The following MYLK variants were observed in gnomAD, a reference collection of about 807,000 sequenced individuals.
The protein encoded by MYLK is myosin light chain kinase.
Under a neutral mutation model 203.4 loss-of-function variants are expected in MYLK, and 106 were observed. The observed-to-expected ratio is 0.52, with a 90% confidence interval of 0.45 to 0.61. The LOEUF (loss-of-function observed/expected upper bound fraction) is 0.61, where lower values mean the gene tolerates loss of function less well. Among genes scored for constraint, MYLK ranks in the 20% least tolerant of loss-of-function variants. MYLK has a pLI of 0.00. For missense variants in MYLK, 2,072 were observed against 2,442.3 expected (o/e 0.85, Z 3.20); for synonymous variants, 867 against 959.5 (o/e 0.90, Z 1.78).
rs868253819 is a variant in MYLK, at chr3:123,740,146, T to C, written c.374-145A>G. 1.4e-5 allele frequency: 11 copies of C among 785,778 alleles called. No individual in the cohort carries two copies. In the Middle Eastern group the frequency reaches 9.1e-4, roughly 65 times the overall value. The allele number at this position is 785,778 out of a possible 1,614,324, so 48.7% of individuals were successfully genotyped here. A position where few individuals can be genotyped will look rare whatever the true frequency, so the allele number is the denominator to read the frequency against. On this transcript the variant is annotated intron_variant, in intron 5 of 33. Coordinates refer to ENST00000360304, the MANE Select transcript of MYLK (RefSeq NM_053025.4). Reference sequence around the variant, plus strand: ...ATGGGCTGTGTCACTATGGATACTATGGTAGGTGTTTACATACATTATCAT... The same window carrying C: ...ATGGGCTGTGTCACTATGGATACTACGGTAGGTGTTTACATACATTATCAT...
At chr3:123,785,344 A>G (rs564776035) in intron 4 of MYLK, among the ~76,000 whole-genome samples, 8 of 152,346 alleles carry the variant, frequency 5.3e-5, no homozygotes, top group African/African-American at 1.7e-4. Flanking sequence ...GTAAATTTTC[A>G]GTAATACTTG....
At chr3:123,794,002 G>C in intron 3 of MYLK, 158 bp from the exon 4 acceptor site, 1 of 775,888 alleles carries the variant, frequency 1.3e-6, no homozygotes, top group Non-Finnish European at 2.2e-6. Context: ...GTGAAGATGA[G>C]AGGCTCTGTC....
intron 13 of MYLK, among the ~76,000 whole-genome samples, chr3:123,716,762 A>G (rs903971922): frequency 6.6e-6 from 1 of 152,170 alleles, no homozygotes; most frequent in Non-Finnish European, 1.5e-5. Flanking sequence ...CTGGGTCTCT[A>G]TGTAATTATG....
At position 123,618,630 on chromosome 3, in the gene MYLK, A is replaced by C. The variant is rs1326357499; in HGVS notation, c.5500+9T>G. Reference sequence around the variant, plus strand: ...ATTCATGGTGAAGAGAAGCACAGCTACAACTTACCTTCAATCTTGCAGTCA... The same window carrying C: ...ATTCATGGTGAAGAGAAGCACAGCTCCAACTTACCTTCAATCTTGCAGTCA... On this transcript the variant is annotated intron_variant, in intron 33 of 33. Transcript: ENST00000360304. 1 of 1,613,914 alleles carries C rather than the reference A, an allele frequency of 6.2e-7. No individual in the cohort carries two copies. The highest frequency in any genetic ancestry group is 2.2e-5 in the East Asian group (1 of 44,854).
At chr3:123,615,495 G>A (rs961684763) in intron 33 of MYLK, among the ~76,000 whole-genome samples, 1 of 151,508 alleles carries the variant, frequency 6.6e-6, no homozygotes, top group Admixed American at 6.6e-5. Flanking sequence ...CACGACACCC[G>A]GCTAATTTTT....
chr3:123,865,817 C>T (rs2682220), intron 2 of MYLK, among the ~76,000 whole-genome samples: 202 of 152,206 alleles, frequency 1.3e-3, no homozygotes, highest in African/African-American at 4.4e-3. Context: ...CAACAGAGTA[C>T]GGCAAAAAGC....
chr3:123,857,277 C>T (rs1367912763), intron 2 of MYLK, among the ~76,000 whole-genome samples: 1 of 152,112 alleles, frequency 6.6e-6, no homozygotes, highest in East Asian at 1.9e-4. Flanking sequence ...TACCATTTGA[C>T]CCAGTCATCC....
chr3:123,711,896 T>G (rs2061708639), intron 13 of MYLK, among the ~76,000 whole-genome samples: 1 of 152,124 alleles, frequency 6.6e-6, no homozygotes, highest in Admixed American at 6.5e-5. Context: ...CCTCCAAAGT[T>G]GCCACCGAAT....
At chr3:123,657,511 G>C in intron 23 of MYLK, 83 bp from the exon 24 acceptor site, 1 of 1,429,840 alleles carries the variant, frequency 7.0e-7, no homozygotes, top group Non-Finnish European at 9.6e-7. Context: ...TGTCATGGGG[G>C]GAAGGCAGCC....
At chr3:123,841,020 A>G (rs1167150775) in intron 2 of MYLK, among the ~76,000 whole-genome samples, 1 of 152,122 alleles carries the variant, frequency 6.6e-6, no homozygotes, top group African/African-American at 2.4e-5. Context: ...GGAGACTTCA[A>G]ACATATAATG....
At chr3:123,719,254 C>G (rs2062009116) in intron 13 of MYLK, among the ~76,000 whole-genome samples, 2 of 152,224 alleles carry the variant, frequency 1.3e-5, no homozygotes, top group Admixed American at 6.5e-5. Context: ...TCAACCACCC[C>G]CGAGAGAAGA....
chr3:123,810,007 C>T (rs2065501932), intron 3 of MYLK, among the ~76,000 whole-genome samples: 1 of 152,192 alleles, frequency 6.6e-6, no homozygotes, highest in Admixed American at 6.5e-5. Context: ...CTATTTCGAA[C>T]AGTTTACCTG....
intron 3 of MYLK, among the ~76,000 whole-genome samples, chr3:123,797,951 A>C (rs1267306405): frequency 6.6e-6 from 1 of 152,242 alleles, no homozygotes; most frequent in African/African-American, 2.4e-5. Flanking sequence ...TCTTCAGGCA[A>C]GGGTCTATGA....
intron 29 of MYLK, among the ~76,000 whole-genome samples, chr3:123,633,421 C>G (rs1396355540): frequency 2.0e-5 from 3 of 152,172 alleles, no homozygotes; most frequent in Non-Finnish European, 4.4e-5. Context: ...GCCACTGCGC[C>G]CAGCTAGATA....
intron 12 of MYLK, 24 bp from the exon 13 acceptor site, chr3:123,722,304 T>C (rs756293325): frequency 9.0e-6 from 14 of 1,559,634 alleles, no homozygotes; most frequent in Middle Eastern, 3.7e-4. Context: ...ACAGGAAGGC[T>C]CAGGCCAGGC....
intron 3 of MYLK, among the ~76,000 whole-genome samples, chr3:123,796,252 T>C (rs1446515057): frequency 6.6e-6 from 1 of 152,206 alleles, no homozygotes. Context: ...AATCTTGGTA[T>C]CCCCATTTTG....
chr3:123,693,058 C>T (rs542210226), intron 18 of MYLK, among the ~76,000 whole-genome samples: 91 of 152,270 alleles, frequency 6.0e-4, no homozygotes, highest in African/African-American at 2.2e-3. Context: ...TCCCTAAATA[C>T]GTTCCTTCCT....
intron 31 of MYLK, among the ~76,000 whole-genome samples, chr3:123,625,640 C>T (rs1349854683): frequency 6.6e-6 from 1 of 151,656 alleles, no homozygotes; most frequent in African/African-American, 2.4e-5. Flanking sequence ...AACCCTGTCT[C>T]CACTAAAAAT....
chr3:123,734,251 T>TGGGTTGGGGGGGGGGGGGTTGGGGG, intron 9 of MYLK, 29 bp from the exon 10 acceptor site: 1 of 448,436 alleles, frequency 2.2e-6, no homozygotes, highest in East Asian at 4.6e-5. Context: ...GGGGGTAGGG[T>TGGGTTGGGGGGGGGGGGGTTGGGGG]GGGTGAGGAG....
Sources: allele counts gnomAD v4.1 joint callset (sites outside exome capture counted in the v4.1 genomes callset), GRCh38; gene constraint gnomAD v4.1.1; transcripts MANE v1.5; gene names NCBI Gene and HGNC (gene_info 2026-07-23, HGNC 2026-07-21).